The following SLC24A2 variants were observed in gnomAD, a reference collection of about 807,000 sequenced individuals.
SLC24A2 encodes the protein solute carrier family 24 member 2.
A neutral mutation model predicts 62.0 loss-of-function variants in SLC24A2; 36 were observed. The observed-to-expected ratio is 0.58, with a 90% confidence interval of 0.44 to 0.77. The LOEUF is 0.77. Among genes scored for constraint, SLC24A2 ranks in the 30% least tolerant of loss-of-function variants. The pLI, the probability that SLC24A2 is intolerant of heterozygous loss-of-function variation, is 0.00. For missense variants in SLC24A2, 846 were observed against 817.9 expected (o/e 1.03, Z -0.42); for synonymous variants, 358 against 294.0 (o/e 1.22, Z -2.23).
At chr9:19,534,547 C>T (rs1833865112) in intron 8 of SLC24A2, among the ~76,000 whole-genome samples, 1 of 151,902 alleles carries the variant, frequency 6.6e-6, no homozygotes, top group South Asian at 2.1e-4. Context: ...GTGATGATCC[C>T]CTCCCCGGGT....
In SLC24A2 at chr9:19,510,806, T is replaced by A. The variant is rs777700450; in HGVS notation, c.*5347A>T. ...CAGTCCCTCACTGTTCGTACGCTAATTTGAAAACAGTTGCCTAGCCTGTCG... is the reference window on the plus strand; with the variant it reads ...CAGTCCCTCACTGTTCGTACGCTAAATTGAAAACAGTTGCCTAGCCTGTCG... On this transcript the variant is annotated 3_prime_UTR_variant, in exon 11 of 11. Transcript: ENST00000341998. The A allele has an allele frequency of 2.0e-5, 3 of 152,238 alleles. No individual in the cohort carries two copies. The highest frequency in any genetic ancestry group is 2.9e-5 in the Non-Finnish European group (2 of 68,048). 9.4% of individuals were successfully genotyped at this position (152,238 alleles called of 1,614,324 possible).
the SLC24A2 span, among the ~76,000 whole-genome samples, chr9:20,190,597 A>G: frequency 6.6e-6 from 1 of 152,192 alleles, no homozygotes; most frequent in Non-Finnish European, 1.5e-5. Context: ...AGGCTCAGAA[A>G]GGTTAAATAA....
chr9:19,546,548 G>A (rs1445301463), intron 8 of SLC24A2, among the ~76,000 whole-genome samples: 1 of 152,150 alleles, frequency 6.6e-6, no homozygotes, highest in Admixed American at 6.5e-5. Flanking sequence ...CACCAAGCTT[G>A]AGCATCCCAG....
intron 8 of SLC24A2, among the ~76,000 whole-genome samples, chr9:19,542,609 A>C (rs1342656928): frequency 6.6e-6 from 1 of 152,196 alleles, no homozygotes; most frequent in Non-Finnish European, 1.5e-5. Context: ...GATACGTTCA[A>C]TCAGTGCCTA....
At chr9:20,218,508 G>C in the SLC24A2 span, among the ~76,000 whole-genome samples, 1 of 152,096 alleles carries the variant, frequency 6.6e-6, no homozygotes, top group Non-Finnish European at 1.5e-5. Flanking sequence ...CCCTGGAAGA[G>C]TCTCTACTCT....
the SLC24A2 span, among the ~76,000 whole-genome samples, chr9:19,997,049 C>CA: frequency 2.0e-5 from 3 of 149,468 alleles, no homozygotes; most frequent in African/African-American, 7.6e-5. Context: ...AAAAAAAAGG[C>CA]AAAAAAAGCA....
intron 2 of SLC24A2, among the ~76,000 whole-genome samples, chr9:19,639,008 G>A (rs191014614): frequency 6.6e-6 from 1 of 152,278 alleles, no homozygotes; most frequent in Admixed American, 6.5e-5. Context: ...TAAATATGAA[G>A]AACAGAGCAA....
the SLC24A2 span, among the ~76,000 whole-genome samples, chr9:20,164,797 T>A: frequency 6.6e-6 from 1 of 151,290 alleles, no homozygotes; most frequent in Non-Finnish European, 1.5e-5. Flanking sequence ...TGGAATACTA[T>A]GCAGCCATAA....
At chr9:20,186,450 T>C in the SLC24A2 span, among the ~76,000 whole-genome samples, 2 of 152,188 alleles carry the variant, frequency 1.3e-5, no homozygotes, top group Admixed American at 1.3e-4. Context: ...TGGAGCCACA[T>C]GGATGGCTAC....
the SLC24A2 span, among the ~76,000 whole-genome samples, chr9:19,937,777 T>C: frequency 2.6e-5 from 4 of 152,328 alleles, no homozygotes; most frequent in Admixed American, 2.6e-4. Flanking sequence ...TGCTTCTCTC[T>C]GGATAGCAAA....
chr9:20,017,225 G>A, the SLC24A2 span, among the ~76,000 whole-genome samples: 59 of 152,068 alleles, frequency 3.9e-4, no homozygotes, highest in African/African-American at 9.4e-4. Flanking sequence ...GTTTCACCAC[G>A]TTGCCCAGAC....
intron 5 of SLC24A2, among the ~76,000 whole-genome samples, chr9:19,581,028 A>G (rs1378444347): frequency 6.6e-6 from 1 of 152,188 alleles, no homozygotes; most frequent in African/African-American, 2.4e-5. Context: ...TCTGTAAGTT[A>G]GAGGAAAAAG....
the SLC24A2 span, among the ~76,000 whole-genome samples, chr9:19,996,690 C>T: frequency 1.4e-5 from 2 of 145,942 alleles, no homozygotes; most frequent in Non-Finnish European, 3.0e-5. Flanking sequence ...TGCAGTGAGC[C>T]GAGATGGTGC....
the SLC24A2 span, among the ~76,000 whole-genome samples, chr9:19,946,424 G>C: frequency 6.6e-6 from 1 of 152,178 alleles, no homozygotes; most frequent in African/African-American, 2.4e-5. Flanking sequence ...AGCTCAATCA[G>C]TATCATTAGA....
chr9:20,109,279 G>C, the SLC24A2 span, among the ~76,000 whole-genome samples: 13 of 152,156 alleles, frequency 8.5e-5, no homozygotes, highest in Non-Finnish European at 1.5e-4. Flanking sequence ...TAGTGAACGA[G>C]ATTATGCAGA....
At chr9:19,809,241 C>G in the SLC24A2 span, among the ~76,000 whole-genome samples, 2 of 151,960 alleles carry the variant, frequency 1.3e-5, no homozygotes, top group Non-Finnish European at 2.9e-5. Flanking sequence ...TAAAATCCAT[C>G]AACAGTGGAC....
intron 4 of SLC24A2, among the ~76,000 whole-genome samples, chr9:19,604,843 C>A (rs1378922905): frequency 6.6e-6 from 1 of 152,120 alleles, no homozygotes; most frequent in Non-Finnish European, 1.5e-5. Context: ...TATTGTCTGG[C>A]ATGTTATTTT....
the SLC24A2 span, among the ~76,000 whole-genome samples, chr9:20,206,627 T>G: frequency 2.0e-5 from 3 of 151,998 alleles, no homozygotes; most frequent in Admixed American, 6.5e-5. Context: ...GTAGCTGGGA[T>G]TACAGGCTTG....
the SLC24A2 span, among the ~76,000 whole-genome samples, chr9:19,822,906 G>A: frequency 6.6e-6 from 1 of 151,968 alleles, no homozygotes; most frequent in African/African-American, 2.4e-5. Context: ...GAGAAGAAAG[G>A]CCTCCAGAGA....
Sources: gnomAD v4.1 joint callset for allele counts (sites outside exome capture counted in the v4.1 genomes callset) on GRCh38, gnomAD v4.1.1 for gene constraint, MANE v1.5 for transcripts, NCBI Gene and HGNC (gene_info 2026-07-23, HGNC 2026-07-21) for gene names.